Variants in KIF13B observed in about 807,000 individuals in gnomAD.
KIF13B encodes the protein kinesin family member 13B.
Under a neutral mutation model 222.0 loss-of-function variants are expected in KIF13B, and 127 were observed. That is an observed-to-expected ratio of 0.57 (90% CI 0.50 to 0.66). The LOEUF (loss-of-function observed/expected upper bound fraction) is 0.66. Among genes scored for constraint, KIF13B ranks in the 30% least tolerant of loss-of-function variants. The pLI is 0.00. For synonymous variants in KIF13B, 976 were observed against 919.0 expected, an observed-to-expected ratio of 1.06 and a Z score of -1.12; for missense variants, 2,173 against 2,379.0, an observed-to-expected ratio of 0.91 and a Z score of 1.80.
intron 36 of KIF13B, among the ~76,000 whole-genome samples, chr8:29,096,580 G>A (rs749166060): frequency 5.3e-5 from 8 of 151,974 alleles, no homozygotes; most frequent in South Asian, 4.1e-4. Flanking sequence ...TACCGCACCC[G>A]GCCTACAGGT....
intron 1 of KIF13B, among the ~76,000 whole-genome samples, chr8:29,253,220 C>G (rs964882264): frequency 1.3e-5 from 2 of 152,062 alleles, no homozygotes; most frequent in Non-Finnish European, 2.9e-5. Context: ...TGGCATGCAC[C>G]TGTAGCCCAG....
intron 35 of KIF13B, among the ~76,000 whole-genome samples, chr8:29,100,418 AAT>A (rs1268129212): frequency 1.3e-5 from 2 of 152,194 alleles, no homozygotes; most frequent in African/African-American, 2.4e-5. Flanking sequence ...AATCGTGTGC[AAT>A]ATGAGTTTGA....
At chr8:29,214,584 T>G (rs1009074435) in intron 2 of KIF13B, among the ~76,000 whole-genome samples, 1 of 152,172 alleles carries the variant, frequency 6.6e-6, no homozygotes, top group African/African-American at 2.4e-5. Flanking sequence ...CTGAGGCTGT[T>G]TTACAATTAA....
intron 16 of KIF13B, among the ~76,000 whole-genome samples, chr8:29,148,259 C>T (rs1031618085): frequency 3.5e-4 from 53 of 152,316 alleles, no homozygotes; most frequent in African/African-American, 1.2e-3. Context: ...TCAAAGTGAT[C>T]TGACTGCATA....
rs1809277463 is a variant in KIF13B at position 29,109,956 on chromosome 8, C to T, written c.4045G>A (p.Ala1349Thr). The T allele has an allele frequency of 1.9e-6, 3 of 1,613,432 alleles. No homozygotes were observed. The highest frequency in any genetic ancestry group is 1.7e-5 in the Admixed American group (1 of 59,942). Residue 1349 changes from alanine to threonine, a missense_variant, in exon 33 of 40, where the codon GCT becomes ACT. Ala to Thr is a moderately conservative substitution (Grantham distance 58, BLOSUM62 0). Around this residue, in one of 2 missense-constraint regions of KIF13B, gnomAD observed 1,480 missense variants for 1,722.8 expected, o/e 0.86. Coordinates refer to ENST00000524189, the MANE Select transcript of KIF13B (RefSeq NM_015254.4). ...TCTAAAGTCAGGAGGTTTTCTACAG[C>T]CAGCACGCTCCTGAGGTACTTTTCA... is the stretch of plus-strand genomic sequence containing the variant. Reference protein sequence around the residue: ...YIEKYLRSVLAVENLLTLDRL... With the variant: ...YIEKYLRSVLTVENLLTLDRL...
At chr8:29,110,414 C>G (rs1809301749) in intron 32 of KIF13B, among the ~76,000 whole-genome samples, 2 of 152,178 alleles carry the variant, frequency 1.3e-5, no homozygotes, top group Admixed American at 6.5e-5. Context: ...GAACATTACC[C>G]CCGCCCTGGA....
At chr8:29,225,419 C>T (rs1373266244) in intron 2 of KIF13B, among the ~76,000 whole-genome samples, 5 of 152,262 alleles carry the variant, frequency 3.3e-5, no homozygotes, top group Admixed American at 3.3e-4. Flanking sequence ...CTACTCAATG[C>T]AAGATTGCGC....
At chr8:29,252,752 A>G (rs1816330949) in intron 1 of KIF13B, among the ~76,000 whole-genome samples, 1 of 152,178 alleles carries the variant, frequency 6.6e-6, no homozygotes, top group Admixed American at 6.5e-5. Flanking sequence ...CAATTGGAAT[A>G]TAATATTTAA....
At chr8:29,161,578 C>G (rs1586862076) in intron 12 of KIF13B, among the ~76,000 whole-genome samples, 1 of 152,052 alleles carries the variant, frequency 6.6e-6, no homozygotes, top group Admixed American at 6.5e-5. Context: ...TGCCTGTAAT[C>G]CCAGCTACTC....
Position 29,150,325 on chromosome 8 carries a change from TCCTGTC to T in KIF13B, c.1588_1593del (p.Asp530_Arg531del). ...AAGAAATGATTGTTTCCCCATAATA[TCCTGTC>T]CCCATGGTGTAGCTGTATTGGACTG... On this transcript the variant is annotated inframe_deletion, in exon 15 of 40. Coordinates refer to ENST00000524189, the MANE Select transcript of KIF13B (RefSeq NM_015254.4). 6.3e-7 allele frequency: 1 copy of T among 1,590,222 alleles called. No homozygotes were observed. Among genetic ancestry groups the T allele is most frequent in the Non-Finnish European group, 8.6e-7 (1 of 1,161,068 alleles).
chr8:29,208,953 A>G (rs1814083002), intron 2 of KIF13B, among the ~76,000 whole-genome samples: 1 of 152,112 alleles, frequency 6.6e-6, no homozygotes, highest in Non-Finnish European at 1.5e-5. Flanking sequence ...AACCCAAGTG[A>G]TGGTGGCCAA....
At chr8:29,074,761 C>T (rs965675315) in intron 38 of KIF13B, among the ~76,000 whole-genome samples, 5 of 152,206 alleles carry the variant, frequency 3.3e-5, no homozygotes, top group African/African-American at 1.2e-4. Context: ...GCCTCTGTTG[C>T]TGTTGTTTTA....
chr8:29,160,521 T>C (rs1276176144), intron 13 of KIF13B, among the ~76,000 whole-genome samples: 1 of 151,924 alleles, frequency 6.6e-6, no homozygotes, highest in East Asian at 1.9e-4. Context: ...GGTATTTGAC[T>C]TGTTGGAAAT....
At chr8:29,178,230 T>G (rs1426662964) in intron 8 of KIF13B, among the ~76,000 whole-genome samples, 1 of 152,152 alleles carries the variant, frequency 6.6e-6, no homozygotes, top group Admixed American at 6.5e-5. Context: ...GTTTAAAATT[T>G]CATGGATATT....
Position 29,070,732 on chromosome 8 carries a change from G to A in KIF13B, c.5253C>T (p.Tyr1751=), listed in dbSNP as rs527907627. ...KNDGSIGGKQ[Y]FRCNPGYGLL... is the part of the protein sequence containing the mutation. ...GCCCGTAGCCAGGGTTACACCTGAA[G>A]TACTGCTTCCCGCCGATGGAACCGT... The change falls in exon 40 of 40, where the codon TAC becomes TAT. Residue 1751 remains tyrosine, a synonymous_variant. Transcript: ENST00000524189. The surrounding 1 kb of genome is among the most constrained non-coding windows in gnomAD (Gnocchi z 4.1). 4.3e-5 allele frequency: 67 copies of A among 1,565,078 alleles called. No individual in the cohort carries two copies. Among genetic ancestry groups the A allele is most frequent in the Non-Finnish European group, 2.3e-5 (26 of 1,155,438 alleles).
chr8:29,093,712 T>G (rs1466956819), intron 36 of KIF13B, among the ~76,000 whole-genome samples: 1 of 152,202 alleles, frequency 6.6e-6, no homozygotes, highest in Non-Finnish European at 1.5e-5. Context: ...GCTGTAAGGT[T>G]TCTACATTTT....
At position 29,140,458 on chromosome 8, in the gene KIF13B, G is replaced by C. The variant is rs774132251; in HGVS notation, c.2484+10C>G. On this transcript the variant is annotated intron_variant, in intron 20 of 39. Transcript: ENST00000524189. ...CTCTACAGGAAACAAGGCATGAAGA[G>C]AAAACCAACCTCTCCTTTCTGGTTG... 6.2e-6 allele frequency: 10 copies of C among 1,611,912 alleles called. No homozygotes were observed. Among genetic ancestry groups the C allele is most frequent in the South Asian group, 5.5e-5 (5 of 90,690 alleles).
chr8:29,255,556 T>C (rs1816442783), intron 1 of KIF13B, among the ~76,000 whole-genome samples: 1 of 151,784 alleles, frequency 6.6e-6, no homozygotes, highest in African/African-American at 2.4e-5. Flanking sequence ...GGTTCAAATA[T>C]CTCCCCAAAA....
At chr8:29,187,473 A>C (rs906975637) in intron 5 of KIF13B, among the ~76,000 whole-genome samples, 1 of 152,064 alleles carries the variant, frequency 6.6e-6, no homozygotes, top group Non-Finnish European at 1.5e-5. Context: ...AGAGGCTGCA[A>C]TGAGCAGAGA....
Sources: gnomAD v4.1 joint callset for allele counts (sites outside exome capture counted in the v4.1 genomes callset) on GRCh38, gnomAD v4.1.1 for gene constraint, gnomAD v4.1.1 regional missense constraint, Gnocchi (gnomAD v3.1) non-coding constraint, MANE v1.5 for transcripts, NCBI Gene and HGNC (gene_info 2026-07-23, HGNC 2026-07-21) for gene names.